Variants in SETDB2 observed in about 807,000 individuals in gnomAD.
SETDB2 encodes the protein histone-lysine N-methyltransferase SETDB2.
In SETDB2, 56 loss-of-function variants were observed where a neutral mutation model predicts 82.5. That is an observed-to-expected ratio of 0.68 (90% CI 0.55 to 0.85). The LOEUF is 0.85. SETDB2 is among the 40% of genes least tolerant of loss of function. SETDB2 has a pLI of 0.00. For missense variants in SETDB2, 677 were observed against 816.4 expected, an observed-to-expected ratio of 0.83 and a Z score of 2.08; for synonymous variants, 272 against 284.9, an observed-to-expected ratio of 0.95 and a Z score of 0.46.
At chr13:49,485,788 C>T (rs10162052) in intron 11 of SETDB2, 65 bp downstream of exon 11, 2 of 1,230,440 alleles carry the variant, frequency 1.6e-6, no homozygotes, top group African/African-American at 3.0e-5. Flanking sequence ...TTGCTCAATA[C>T]CTGTAGCTCA....
intron 2 of SETDB2, among the ~76,000 whole-genome samples, chr13:49,453,064 C>A (rs919603505): frequency 6.6e-6 from 1 of 152,084 alleles, no homozygotes; most frequent in Non-Finnish European, 1.5e-5. Flanking sequence ...GATTTATGCT[C>A]CCCCTCCTTA....
chr13:49,477,839 C>A lies in SETDB2; in HGVS notation c.869+800C>A, dbSNP rs539256404. On this transcript the variant is annotated intron_variant, in intron 6 of 13. Coordinates refer to ENST00000611815, the MANE Select transcript of SETDB2 (RefSeq NM_001160308.3). ...TATGTTGCATTTTACTTTTAAAAAT[C>A]ATTTGCTGGCTAATGTGATGCTTAT... 1.1e-4 allele frequency among the ~76,000 whole-genome samples: 16 copies of A among 152,292 alleles called. No individual in the cohort carries two copies. In the East Asian group the frequency reaches 2.7e-3, roughly 26 times the overall value.
intron 1 of SETDB2, among the ~76,000 whole-genome samples, chr13:49,447,469 C>G (rs1455430904): frequency 6.6e-6 from 1 of 151,946 alleles, no homozygotes; most frequent in East Asian, 1.9e-4. Flanking sequence ...AAAAATTCTC[C>G]GAATGTTTCA....
intron 10 of SETDB2, among the ~76,000 whole-genome samples, chr13:49,484,918 C>T (rs956066903): frequency 1.1e-4 from 16 of 152,160 alleles, no homozygotes; most frequent in African/African-American, 3.1e-4. Flanking sequence ...AGCTCTGCTG[C>T]GTGCTAGCTG....
intron 2 of SETDB2, among the ~76,000 whole-genome samples, chr13:49,459,141 A>G (rs1337557654): frequency 6.6e-6 from 1 of 152,188 alleles, no homozygotes; most frequent in Non-Finnish European, 1.5e-5. Flanking sequence ...TCCAGAGGCC[A>G]CTATGTTGGC....
chr13:49,489,718 C>CCTA (rs1358727088), intron 12 of SETDB2, among the ~76,000 whole-genome samples: 1 of 150,056 alleles, frequency 6.7e-6, no homozygotes, highest in East Asian at 2.0e-4. Context: ...TCATCAGCCT[C>CCTA]CTGAGTAGCT....
At chr13:49,448,179 T>G (rs894716007) in intron 1 of SETDB2, among the ~76,000 whole-genome samples, 2 of 152,168 alleles carry the variant, frequency 1.3e-5, no homozygotes, top group African/African-American at 4.8e-5. Context: ...GTGGCACACA[T>G]CTCTAGTAAT....
chr13:49,476,697 A>G lies in SETDB2; in HGVS notation c.527A>G (p.His176Arg), dbSNP rs766061219. 3.8e-5 allele frequency: 62 copies of G among 1,614,084 alleles called. No homozygotes were observed. Among genetic ancestry groups the G allele is most frequent in the Non-Finnish European group, 5.1e-5 (60 of 1,180,036 alleles). The stretch of plus-strand genomic sequence containing the variant: ...ACAAACTCTCATTCTTCAGCACTCC[A>G]CGTGAGTTATAAAACCCCTTGTGGA... Reference protein sequence around the residue: ...AKTNSHSSALHVSYKTPCGRS... With the variant: ...AKTNSHSSALRVSYKTPCGRS... The change falls in exon 6 of 14, where the codon CAC (histidine) becomes CGC (arginine). Residue 176 changes from histidine to arginine, a missense_variant. Coordinates refer to ENST00000611815, the MANE Select transcript of SETDB2 (RefSeq NM_001160308.3).
chr13:49,460,587 T>G (rs17072935), intron 3 of SETDB2, among the ~76,000 whole-genome samples: 3,064 of 152,292 alleles, frequency 0.02, 116 homozygotes, highest in African/African-American at 0.068. Flanking sequence ...ACTCTACCAG[T>G]CTTCTGAAAG....
At chr13:49,482,672 G>A in intron 8 of SETDB2, 65 bp from the exon 9 acceptor site, 1 of 1,013,740 alleles carries the variant, frequency 9.9e-7, no homozygotes, top group Middle Eastern at 3.1e-4. Flanking sequence ...TAGAAATAGA[G>A]ATGTCTGTTT....
chr13:49,453,869 A>AGT (rs1180246831), intron 2 of SETDB2, among the ~76,000 whole-genome samples: 1 of 105,760 alleles, frequency 9.5e-6, no homozygotes, highest in Non-Finnish European at 2.2e-5. Context: ...AGAGCAATGA[A>AGT]GTATATATAT....
chr13:49,460,051 A>G (rs923364854), intron 2 of SETDB2, 56 bp from the exon 3 acceptor site: 38 of 1,543,586 alleles, frequency 2.5e-5, no homozygotes, highest in Non-Finnish European at 3.3e-5. Flanking sequence ...ATGTTCTTAG[A>G]TAAATTATAG....
intron 5 of SETDB2, among the ~76,000 whole-genome samples, chr13:49,475,419 A>G (rs1321573622): frequency 6.6e-6 from 1 of 152,180 alleles, no homozygotes; most frequent in Non-Finnish European, 1.5e-5. Context: ...AGAAAATTCT[A>G]TGTAAAACAA....
intron 5 of SETDB2, among the ~76,000 whole-genome samples, chr13:49,476,152 C>G (rs1247646861): frequency 6.6e-6 from 1 of 152,070 alleles, no homozygotes; most frequent in Non-Finnish European, 1.5e-5. Context: ...ATAAGGCAGA[C>G]CTGGTGCGTG....
chr13:49,461,347 AAATGCACATCC>A (rs1230947082), intron 4 of SETDB2, among the ~76,000 whole-genome samples, 185 bp downstream of exon 4: 2 of 152,254 alleles, frequency 1.3e-5, no homozygotes, highest in Non-Finnish European at 2.9e-5. Context: ...TAGAGATAGT[AAATGCACATCC>A]AACTAAGCAG....
intron 5 of SETDB2, among the ~76,000 whole-genome samples, chr13:49,471,934 A>ATTTTTT (rs35468680): frequency 2.5e-5 from 3 of 119,278 alleles, no homozygotes; most frequent in African/African-American, 3.6e-5. Context: ...ATATATATAT[A>ATTTTTT]TTTTTTTTTT....
chr13:49,472,846 C>T (rs1017429942), intron 5 of SETDB2, among the ~76,000 whole-genome samples: 22 of 152,122 alleles, frequency 1.4e-4, no homozygotes, highest in African/African-American at 5.3e-4. Context: ...ATGTATTTCT[C>T]AGTGTTAATT....
At position 49,490,860 on chromosome 13, in the gene SETDB2, T is replaced by C. The variant is rs755010751; in HGVS notation, c.1956T>C (p.Phe652=). The change falls in exon 13 of 14, where the codon TTT becomes TTC. Residue 652 remains phenylalanine, a synonymous_variant. Transcript: ENST00000611815. Reference sequence around the variant, plus strand: ...CAAATCTCTTGGTACAGAATGTTTTTGTAGAAACACACAACAGGAATTTTC... The same window carrying C: ...CAAATCTCTTGGTACAGAATGTTTTCGTAGAAACACACAACAGGAATTTTC... ...CCPNLLVQNV[F]VETHNRNFPL... The C allele has an allele frequency of 1.2e-6, 2 of 1,613,760 alleles. No individual in the cohort carries two copies. Among genetic ancestry groups the C allele is most frequent in the South Asian group, 2.2e-5 (2 of 91,040 alleles).
chr13:49,451,061 A>G (rs1052372473), intron 1 of SETDB2, among the ~76,000 whole-genome samples: 2 of 151,652 alleles, frequency 1.3e-5, no homozygotes, highest in African/African-American at 4.8e-5. Flanking sequence ...AATATTAGTG[A>G]TGGAGGAAAA....
Sources: allele counts gnomAD v4.1 joint callset (sites outside exome capture counted in the v4.1 genomes callset), GRCh38; gene constraint gnomAD v4.1.1; transcripts MANE v1.5; gene names NCBI Gene and HGNC (gene_info 2026-07-23, HGNC 2026-07-21).